The following NKAIN2 variants were observed in gnomAD, a reference collection of about 807,000 sequenced individuals.
NKAIN2 encodes the protein sodium/potassium transporting ATPase interacting 2, also known as sodium/potassium-transporting ATPase subunit beta-1-interacting protein 2.
A neutral mutation model predicts 32.6 loss-of-function variants in NKAIN2; 14 were observed. The observed-to-expected ratio is 0.43, with a 90% CI of 0.28 to 0.67. NKAIN2 has a LOEUF of 0.67. NKAIN2 is among the 30% of genes least tolerant of loss of function. NKAIN2 has a pLI of 0.17. For synonymous variants in NKAIN2, 80 were observed against 87.2 expected, an observed-to-expected ratio of 0.92 and a Z score of 0.46; for missense variants, 198 against 258.3, an observed-to-expected ratio of 0.77 and a Z score of 1.60.
In NKAIN2 at chr6:124,550,727, C is replaced by A. The variant is rs72973832; in HGVS notation, c.274-107459C>A. Reference sequence around the variant, plus strand: ...ATTGAGAAGGAAGTGGTAATAGGTTCCAGGGCACAAGTGGAGGGGCTGTGC... The same window carrying A: ...ATTGAGAAGGAAGTGGTAATAGGTTACAGGGCACAAGTGGAGGGGCTGTGC... On this transcript the variant is annotated intron_variant, in intron 3 of 6. Transcript: ENST00000368417. Among the ~76,000 whole-genome samples, 658 of 152,232 alleles carry A rather than the reference C, an allele frequency of 4.3e-3. 3 individuals carry two copies. Among genetic ancestry groups the A allele is most frequent in the Non-Finnish European group, 5.6e-3 (378 of 68,010 alleles).
chr6:124,809,770 C>T (rs1780792356), intron 5 of NKAIN2, among the ~76,000 whole-genome samples: 1 of 152,058 alleles, frequency 6.6e-6, no homozygotes. Flanking sequence ...CTACAATAAA[C>T]TCAAACAAAT....
Position 123,939,863 on chromosome 6 carries a change from G to T in NKAIN2, c.54+135609G>T, listed in dbSNP as rs77412313. Reference sequence around the variant, plus strand: ...CCCAGCGGTGCTCTCCATAATGACAGAATTCTTCTACCAATGCTAAACTCC... The same window carrying T: ...CCCAGCGGTGCTCTCCATAATGACATAATTCTTCTACCAATGCTAAACTCC... On this transcript the variant is annotated intron_variant, in intron 1 of 6. Coordinates refer to ENST00000368417, the MANE Select transcript of NKAIN2 (RefSeq NM_001040214.3). Among the ~76,000 whole-genome samples, 228 of 151,914 alleles carry T rather than the reference G, an allele frequency of 1.5e-3. 1 individual carries two copies. The highest frequency in any genetic ancestry group is 2.6e-3 in the Non-Finnish European group (175 of 67,918).
In NKAIN2 at chr6:124,150,395, AAT is replaced by A. The variant is rs1787649304; in HGVS notation, c.55-132607_55-132606del. On this transcript the variant is annotated intron_variant, in intron 1 of 6. Transcript: ENST00000368417. ...TGTTCACTAAGAACTGCTGAAAAAC[AAT>A]ATGTCATTCAATAAATTATACATGC... Among the ~76,000 whole-genome samples the A allele has an allele frequency of 3.3e-5, 5 of 152,262 alleles. No individual in the cohort carries two copies. The South Asian group carries it at 1.0e-3, about 32-fold the overall frequency.
intron 1 of NKAIN2, among the ~76,000 whole-genome samples, chr6:123,902,212 A>G (rs1361184145): frequency 6.6e-6 from 1 of 152,056 alleles, no homozygotes; most frequent in Non-Finnish European, 1.5e-5. Flanking sequence ...TACTACATAG[A>G]CTCACATTTT....
At chr6:124,356,477 G>A (rs1798983857) in intron 3 of NKAIN2, among the ~76,000 whole-genome samples, 1 of 152,188 alleles carries the variant, frequency 6.6e-6, no homozygotes, top group African/African-American at 2.4e-5. Context: ...TGATATGAGA[G>A]AGAACCAAAA....
At chr6:124,607,180 G>A (rs781227045) in intron 3 of NKAIN2, among the ~76,000 whole-genome samples, 1 of 152,144 alleles carries the variant, frequency 6.6e-6, no homozygotes, top group Non-Finnish European at 1.5e-5. Context: ...TCTCTGTAAA[G>A]ACACTAGACT....
At chr6:124,641,009 G>T (rs1413426301) in intron 3 of NKAIN2, among the ~76,000 whole-genome samples, 1 of 152,126 alleles carries the variant, frequency 6.6e-6, no homozygotes, top group Non-Finnish European at 1.5e-5. Flanking sequence ...GAGTTGATAT[G>T]CACTTCTTGA....
chr6:124,459,971 T>TTA (rs1257083239), intron 3 of NKAIN2, among the ~76,000 whole-genome samples: 1 of 151,762 alleles, frequency 6.6e-6, no homozygotes, highest in Non-Finnish European at 1.5e-5. Flanking sequence ...CTGACCTACT[T>TTA]TATATTGGAT....
chr6:124,088,147 C>T (rs776515939), intron 1 of NKAIN2, among the ~76,000 whole-genome samples: 5 of 151,748 alleles, frequency 3.3e-5, no homozygotes, highest in African/African-American at 4.9e-5. Flanking sequence ...TTGCAGTAGA[C>T]AGTCTTCAAA....
chr6:124,218,844 C>T (rs1320066169), intron 1 of NKAIN2, among the ~76,000 whole-genome samples: 2 of 152,276 alleles, frequency 1.3e-5, no homozygotes, highest in Middle Eastern at 3.4e-3. Flanking sequence ...CATTTTCACA[C>T]TGCTATAAAG....
At chr6:124,630,815 C>T (rs754384537) in intron 3 of NKAIN2, among the ~76,000 whole-genome samples, 77 of 152,112 alleles carry the variant, frequency 5.1e-4, no homozygotes, top group South Asian at 8.3e-4. Flanking sequence ...TCAGTCCACG[C>T]GAAGTAACAA....
chr6:124,564,765 A>T (rs1474989022), intron 3 of NKAIN2, among the ~76,000 whole-genome samples: 1 of 152,326 alleles, frequency 6.6e-6, no homozygotes, highest in Admixed American at 6.5e-5. Context: ...TTAAATTCCT[A>T]TAAGCCCTGG....
At chr6:124,243,750 A>G (rs1285879895) in intron 1 of NKAIN2, among the ~76,000 whole-genome samples, 1 of 152,140 alleles carries the variant, frequency 6.6e-6, no homozygotes, top group Non-Finnish European at 1.5e-5. Context: ...AGATCATTGG[A>G]TAAGCTGAAG....
chr6:124,474,125 A>T (rs1451188722), intron 3 of NKAIN2, among the ~76,000 whole-genome samples: 1 of 151,732 alleles, frequency 6.6e-6, no homozygotes, highest in Non-Finnish European at 1.5e-5. Context: ...TTTAAGAGAC[A>T]GGTTTCTCGC....
chr6:124,054,543 G>A (rs946235555), intron 1 of NKAIN2, among the ~76,000 whole-genome samples: 13 of 151,904 alleles, frequency 8.6e-5, no homozygotes, highest in African/African-American at 2.7e-4. Flanking sequence ...AATGTTATTC[G>A]AACAAATGAT....
intron 3 of NKAIN2, among the ~76,000 whole-genome samples, chr6:124,465,643 A>G (rs1776721311): frequency 6.6e-6 from 1 of 151,400 alleles, no homozygotes; most frequent in African/African-American, 2.4e-5. Flanking sequence ...AAAAAAAAAA[A>G]AAAGAAATTC....
At chr6:124,457,614 A>G (rs1000150302) in intron 3 of NKAIN2, among the ~76,000 whole-genome samples, 2 of 151,958 alleles carry the variant, frequency 1.3e-5, no homozygotes, top group African/African-American at 4.8e-5. Context: ...GGAACCGCAT[A>G]TGTTCTGAGG....
intron 1 of NKAIN2, among the ~76,000 whole-genome samples, chr6:123,901,910 G>C (rs1299727619): frequency 6.6e-6 from 1 of 151,928 alleles, no homozygotes; most frequent in East Asian, 1.9e-4. Context: ...ACTTTAAAAT[G>C]AAGACTTAAA....
At chr6:124,284,920 T>A (rs1017067934) in intron 2 of NKAIN2, among the ~76,000 whole-genome samples, 4 of 151,898 alleles carry the variant, frequency 2.6e-5, no homozygotes, top group Non-Finnish European at 4.4e-5. Flanking sequence ...AAAAAAAAAA[T>A]TTGGGCTTTC....
Sources: gnomAD v4.1 joint callset for allele counts (sites outside exome capture counted in the v4.1 genomes callset) on GRCh38, gnomAD v4.1.1 for gene constraint, MANE v1.5 for transcripts, NCBI Gene and HGNC (gene_info 2026-07-23, HGNC 2026-07-21) for gene names.